FGD5: variants seen among roughly 807,000 people sequenced by gnomAD.
FGD5 encodes FYVE, RhoGEF and PH domain containing 5.
In FGD5, 28 loss-of-function variants were observed where a neutral mutation model predicts 133.4. The observed-to-expected ratio is 0.21, with a 90% CI of 0.16 to 0.29. FGD5 has a LOEUF of 0.29. FGD5 is among the 10% of genes least tolerant of loss of function. FGD5 has a pLI of 1.00. For synonymous variants in FGD5, 810 were observed against 776.5 expected (o/e 1.04, Z -0.72); for missense variants, 1,858 against 1,895.2 (o/e 0.98, Z 0.36).
intron 2 of FGD5, among the ~76,000 whole-genome samples, chr3:14,880,320 C>T (rs1481955566): frequency 1.3e-5 from 2 of 152,146 alleles, no homozygotes; most frequent in African/African-American, 4.8e-5. Context: ...CGCCACTGCA[C>T]TCCAGCCTGG....
chr3:14,918,671 C>T, intron 12 of FGD5, 83 bp from the exon 13 acceptor site: 5 of 1,380,054 alleles, frequency 3.6e-6, no homozygotes, highest in Admixed American at 1.7e-5. Flanking sequence ...CATGGTCCCT[C>T]TGTTCATCTG....
At chr3:14,854,566 C>T (rs2037238640) in intron 1 of FGD5, among the ~76,000 whole-genome samples, 1 of 151,944 alleles carries the variant, frequency 6.6e-6, no homozygotes, top group African/African-American at 2.4e-5. Context: ...CAGGTGTGCA[C>T]CACTGCACCT....
At chr3:14,912,301 A>T (rs2038464204) in intron 11 of FGD5, among the ~76,000 whole-genome samples, 1 of 152,156 alleles carries the variant, frequency 6.6e-6, no homozygotes. Context: ...AGGTGACCCA[A>T]GTCCAGAGTC....
intron 4 of FGD5, among the ~76,000 whole-genome samples, chr3:14,889,833 G>A (rs561000892): frequency 6.6e-6 from 1 of 152,166 alleles, no homozygotes; most frequent in African/African-American, 2.4e-5. Context: ...AGCCATTTGG[G>A]AACGCTTTTG....
Position 14,898,766 on chromosome 3 carries a change from G to A in FGD5, c.3094G>A (p.Ala1032Thr). The stretch of plus-strand genomic sequence containing the variant: ...GAGTGTACAAGGAGGCAGCCAGACT[G>A]CGAAGCATCGGCTGCTGCGGGTGGT... ...EQSVQGGSQT[A>T]KHRLLRVVQR... The change falls in exon 7 of 20, where the codon GCG (alanine) becomes ACG (threonine). Residue 1032 changes from alanine to threonine, a missense_variant. By Grantham distance (58) the Ala-to-Thr change is moderately conservative (BLOSUM62 0). This residue lies in a region of FGD5 where 1,824 missense variants were observed against 1,848.9 expected (regional missense o/e 0.99). Coordinates refer to ENST00000285046, the MANE Select transcript of FGD5 (RefSeq NM_152536.4). The A allele has an allele frequency of 6.3e-7, 1 of 1,587,316 alleles. No homozygotes were observed. The highest frequency in any genetic ancestry group is 8.6e-7 in the Non-Finnish European group (1 of 1,167,234).
At chr3:14,919,247 GA>G (rs1396069056) in intron 13 of FGD5, among the ~76,000 whole-genome samples, 2 of 152,150 alleles carry the variant, frequency 1.3e-5, no homozygotes, top group South Asian at 2.1e-4. Flanking sequence ...GAAGATGAGA[GA>G]AAAAAAATAA....
chr3:14,920,028 G>A (rs2038643859), intron 13 of FGD5, among the ~76,000 whole-genome samples: 2 of 152,102 alleles, frequency 1.3e-5, no homozygotes, highest in Non-Finnish European at 2.9e-5. Flanking sequence ...CCAGGCCCTC[G>A]GGTTGCCTGG....
At position 14,898,736 on chromosome 3, in the gene FGD5, C is replaced by T. The variant is rs767162218; in HGVS notation, c.3067-3C>T. 1 of 1,577,746 alleles carries T rather than the reference C, an allele frequency of 6.3e-7. No individual in the cohort carries two copies. Among genetic ancestry groups the T allele is most frequent in the South Asian group, 1.2e-5 (1 of 85,796 alleles). ...GGTTTTTCCTTCCCTGTCTTGAGAG[C>T]AGCAGAGTGTACAAGGAGGCAGCCA... On this transcript the variant is annotated splice_polypyrimidine_tract_variant and splice_region_variant and intron_variant, in intron 6 of 19. Transcript: ENST00000285046.
intron 4 of FGD5, among the ~76,000 whole-genome samples, chr3:14,881,205 C>T (rs1243547916): frequency 6.6e-6 from 1 of 152,110 alleles, no homozygotes; most frequent in Non-Finnish European, 1.5e-5. Context: ...AAGAGTCTTC[C>T]TCAGTCTCCT....
chr3:14,882,066 G>C (rs956442386), intron 4 of FGD5, among the ~76,000 whole-genome samples: 1 of 152,162 alleles, frequency 6.6e-6, no homozygotes, highest in Non-Finnish European at 1.5e-5. Flanking sequence ...CCTCATTTTT[G>C]TGCCCTCAGG....
Position 14,898,735 on chromosome 3 carries a change from G to C in FGD5, c.3067-4G>C. 1 of 1,577,388 alleles carries C rather than the reference G, an allele frequency of 6.3e-7. No homozygotes were observed. The highest frequency in any genetic ancestry group is 8.6e-7 in the Non-Finnish European group (1 of 1,161,940). On this transcript the variant is annotated splice_polypyrimidine_tract_variant and splice_region_variant and intron_variant, in intron 6 of 19. Transcript: ENST00000285046. ...AGGTTTTTCCTTCCCTGTCTTGAGA[G>C]CAGCAGAGTGTACAAGGAGGCAGCC...
At chr3:14,849,228 T>C (rs2037115270) in intron 1 of FGD5, among the ~76,000 whole-genome samples, 1 of 152,224 alleles carries the variant, frequency 6.6e-6, no homozygotes, top group Admixed American at 6.5e-5. Context: ...GTGACGCTCC[T>C]GTTCATGTGC....
At chr3:14,813,092 G>A (rs1173479053) in intron 1 of FGD5, among the ~76,000 whole-genome samples, 3 of 152,110 alleles carry the variant, frequency 2.0e-5, no homozygotes, top group East Asian at 3.9e-4. Context: ...TTTATCCAGT[G>A]CCTAACACGT....
At chr3:14,847,457 T>C (rs2037071802) in intron 1 of FGD5, among the ~76,000 whole-genome samples, 1 of 152,176 alleles carries the variant, frequency 6.6e-6, no homozygotes, top group Non-Finnish European at 1.5e-5. Flanking sequence ...CCGAGCCCAA[T>C]TAGCATCCCT....
At chr3:14,870,127 AATGGCATGAGGGAGCCC>A (rs1269483766) in intron 2 of FGD5, among the ~76,000 whole-genome samples, 3 of 12,856 alleles carry the variant, frequency 2.3e-4, no homozygotes, top group African/African-American at 4.9e-4. Flanking sequence ...GAGGGAACGG[AATGGCATGAGGGAGCCC>A]GAATGGCATG....
intron 2 of FGD5, among the ~76,000 whole-genome samples, chr3:14,872,084 C>T (rs2037620976): frequency 6.6e-6 from 1 of 152,228 alleles, no homozygotes. Context: ...CCATGTGCAG[C>T]AATCACCCAG....
intron 1 of FGD5, among the ~76,000 whole-genome samples, chr3:14,845,276 C>CA (rs2125089280): frequency 6.6e-6 from 1 of 152,320 alleles, no homozygotes; most frequent in African/African-American, 2.4e-5. Flanking sequence ...AAATCATCCT[C>CA]AACTTGCTGG....
chr3:14,835,285 G>C (rs545415421), intron 1 of FGD5, among the ~76,000 whole-genome samples: 2 of 152,300 alleles, frequency 1.3e-5, no homozygotes, highest in South Asian at 4.1e-4. Flanking sequence ...ATCACCTGAG[G>C]TCAGGAGTTT....
In FGD5 at chr3:14,820,688, A is replaced by G. The variant is rs2036475831; in HGVS notation, c.1617A>G (p.Ala539=). ...TGGAAGCCAGCAGGGCCTTGCCAGCAAAGCCCAGGGCCTTTACTTTATACC... is the reference window on the plus strand; with the variant it reads ...TGGAAGCCAGCAGGGCCTTGCCAGCGAAGCCCAGGGCCTTTACTTTATACC... ...KPLEASRALP[A]KPRAFTLYPR... The change falls in exon 1 of 20, where the codon GCA becomes GCG. Residue 539 remains alanine, a synonymous_variant. Transcript: ENST00000285046. 1 of 1,590,720 alleles carries G rather than the reference A, an allele frequency of 6.3e-7. No homozygotes were observed. The highest frequency in any genetic ancestry group is 8.5e-7 in the Non-Finnish European group (1 of 1,170,690).
Sources: gnomAD v4.1 joint callset for allele counts (sites outside exome capture counted in the v4.1 genomes callset) on GRCh38, gnomAD v4.1.1 for gene constraint, gnomAD v4.1.1 regional missense constraint, MANE v1.5 for transcripts, NCBI Gene and HGNC (gene_info 2026-07-23, HGNC 2026-07-21) for gene names.